The following ANK1 variants were observed in gnomAD, a reference collection of about 807,000 sequenced individuals.
The protein encoded by ANK1 is ankyrin 1.
In ANK1, 51 loss-of-function variants were observed where a neutral mutation model predicts 210.4. The observed-to-expected ratio is 0.24, with a 90% confidence interval of 0.19 to 0.31. The LOEUF (loss-of-function observed/expected upper bound fraction) is 0.31, where lower values mean the gene tolerates loss of function less well. ANK1 is among the 10% of genes least tolerant of loss of function. ANK1 has a pLI of 1.00. For synonymous variants in ANK1, 967 were observed against 1,025.9 expected (o/e 0.94, Z 1.10); for missense variants, 2,051 against 2,504.4 (o/e 0.82, Z 3.86).
At chr8:41,796,420 C>A (rs1289191973) in intron 1 of ANK1, among the ~76,000 whole-genome samples, 1 of 151,916 alleles carries the variant, frequency 6.6e-6, no homozygotes, top group East Asian at 1.9e-4. Context: ...CCAAGACTCA[C>A]CCTGAACCTC....
At chr8:41,806,881 G>A (rs1042505783) in intron 1 of ANK1, among the ~76,000 whole-genome samples, 1 of 152,194 alleles carries the variant, frequency 6.6e-6, no homozygotes, top group East Asian at 1.9e-4. Context: ...GGATCATGCT[G>A]TTGCTGCTAA....
At chr8:41,677,769 T>C (rs939589480) in intron 37 of ANK1, among the ~76,000 whole-genome samples, 3 of 152,060 alleles carry the variant, frequency 2.0e-5, no homozygotes, top group Non-Finnish European at 4.4e-5. Flanking sequence ...TTTGTATTTT[T>C]TGTAGAGATG....
At position 41,661,421 on chromosome 8, in the gene ANK1, C is replaced by T. The variant is rs746314516; in HGVS notation, c.*36+9G>A. 1 of 1,613,800 alleles carries T rather than the reference C, an allele frequency of 6.2e-7. No individual in the cohort carries two copies. The highest frequency in any genetic ancestry group is 1.7e-5 in the Admixed American group (1 of 60,012). On this transcript the variant is annotated intron_variant, in intron 42 of 42. Coordinates refer to ENST00000289734, the MANE Select transcript of ANK1 (RefSeq NM_000037.4). ...GGCCATGCAGAGGGGATGAGAAGGG[C>T]AGCGTTACCTCCCGAGAGGCTACTC...
At chr8:41,665,456 TG>T (rs1371568830) in intron 39 of ANK1, 5 of 389,028 alleles carry the variant, frequency 1.3e-5, no homozygotes, top group South Asian at 2.1e-5. Context: ...GACCTGGAAG[TG>T]GGGGCTCGGC....
intron 2 of ANK1, among the ~76,000 whole-genome samples, chr8:41,739,458 A>C (rs1185328614): frequency 6.6e-6 from 1 of 150,622 alleles, no homozygotes; most frequent in Non-Finnish European, 1.5e-5. Flanking sequence ...CATTGTGGTC[A>C]TCTCTAGGTC....
At chr8:41,765,179 T>TTTCG (rs1356559868) in intron 1 of ANK1, among the ~76,000 whole-genome samples, 1 of 150,828 alleles carries the variant, frequency 6.6e-6, no homozygotes, top group African/African-American at 2.5e-5. Flanking sequence ...TTTTCCTTTC[T>TTTCG]TTCTTTCTTT....
At chr8:41,751,179 G>T (rs1224434805) in intron 2 of ANK1, among the ~76,000 whole-genome samples, 1 of 152,156 alleles carries the variant, frequency 6.6e-6, no homozygotes, top group Non-Finnish European at 1.5e-5. Flanking sequence ...ATTTTGATTT[G>T]ATATTAATCT....
At position 41,870,724 on chromosome 8, in the gene ANK1, G is replaced by C. The variant is rs576339842; in HGVS notation, c.126+25631C>G. Among the ~76,000 whole-genome samples, 121 of 152,330 alleles carry C rather than the reference G, an allele frequency of 7.9e-4. 3 individuals are homozygous for C. In the South Asian group the frequency reaches 0.02, roughly 25 times the overall value. ...TGGAAGAGGCTGGCAGAAAGGGTGG[G>C]CCCGGCACACACGTTAGCCGAGTCC... On this transcript the variant is annotated intron_variant, in intron 1 of 42. Coordinates refer to the ANK1 transcript ENST00000265709.
At chr8:41,754,520 A>G (rs565779835) in intron 2 of ANK1, among the ~76,000 whole-genome samples, 1 of 152,332 alleles carries the variant, frequency 6.6e-6, no homozygotes, top group Middle Eastern at 3.4e-3. Flanking sequence ...ATACTATTTG[A>G]AAGTGTGTTA....
intron 1 of ANK1, among the ~76,000 whole-genome samples, chr8:41,879,988 T>G (rs1002619879): frequency 6.6e-6 from 1 of 152,230 alleles, no homozygotes. Context: ...GCTGCCTCTG[T>G]GCAGTCCAGC....
intron 1 of ANK1, among the ~76,000 whole-genome samples, chr8:41,825,370 A>G (rs1805187739): frequency 1.3e-5 from 2 of 152,244 alleles, no homozygotes; most frequent in African/African-American, 4.8e-5. Context: ...TAAGCTGCAA[A>G]ACCTCGCCAG....
intron 1 of ANK1, among the ~76,000 whole-genome samples, chr8:41,851,436 G>A (rs913758565): frequency 7.2e-5 from 11 of 152,238 alleles, no homozygotes; most frequent in African/African-American, 2.7e-4. Flanking sequence ...GCCTAGCTCC[G>A]TGCTAGGCAC....
chr8:41,795,483 TG>T (rs2150768315), intron 1 of ANK1, among the ~76,000 whole-genome samples: 1 of 152,200 alleles, frequency 6.6e-6, no homozygotes, highest in African/African-American at 2.4e-5. Context: ...CACTCCAGCC[TG>T]GGCAACAGAG....
At chr8:41,849,035 G>A (rs370769411) in intron 1 of ANK1, among the ~76,000 whole-genome samples, 17 of 152,354 alleles carry the variant, frequency 1.1e-4, no homozygotes, top group Middle Eastern at 3.4e-3. Context: ...GGGCCAGACA[G>A]GGCACCAGGG....
intron 1 of ANK1, among the ~76,000 whole-genome samples, chr8:41,819,856 T>A (rs1252323585): frequency 2.0e-5 from 3 of 152,208 alleles, no homozygotes; most frequent in Non-Finnish European, 2.9e-5. Flanking sequence ...GAGAATCTCA[T>A]CCATTTTCTT....
intron 9 of ANK1, among the ~76,000 whole-genome samples, chr8:41,720,120 C>T (rs1762870903): frequency 6.6e-6 from 1 of 152,208 alleles, no homozygotes; most frequent in African/African-American, 2.4e-5. Context: ...ACTCTAGACT[C>T]CTGTGGGCTT....
intron 1 of ANK1, among the ~76,000 whole-genome samples, chr8:41,833,851 G>A (rs374338272): frequency 1.6e-4 from 25 of 152,286 alleles, no homozygotes; most frequent in Middle Eastern, 3.4e-3. Flanking sequence ...ATCCTGGAGC[G>A]CTGAGGAGCT....
chr8:41,724,821 A>T (rs1830259144), intron 6 of ANK1, among the ~76,000 whole-genome samples: 2 of 152,026 alleles, frequency 1.3e-5, no homozygotes, highest in African/African-American at 4.8e-5. Context: ...CGACAAAGAG[A>T]TTTTCATTCA....
chr8:41,763,073 G>A (rs950267804), intron 1 of ANK1, among the ~76,000 whole-genome samples: 2 of 152,142 alleles, frequency 1.3e-5, no homozygotes, highest in Admixed American at 6.5e-5. Flanking sequence ...AAAAGTAGCC[G>A]GGCATGGTGG....
Sources: gnomAD v4.1 joint callset for allele counts (sites outside exome capture counted in the v4.1 genomes callset) on GRCh38, gnomAD v4.1.1 for gene constraint, MANE v1.5 for transcripts, NCBI Gene and HGNC (gene_info 2026-07-23, HGNC 2026-07-21) for gene names.